Variants in SAMMSON observed in about 807,000 individuals in gnomAD.
SAMMSON encodes survival associated mitochondrial melanoma specific oncogenic non-coding RNA, also known as long intergenic non-protein coding RNA 1212.
At chr3:70,184,613 T>C (rs1701078696) in intron 4 of SAMMSON, among the ~76,000 whole-genome samples, 1 of 152,214 alleles carries the variant, frequency 6.6e-6, no homozygotes, top group South Asian at 2.1e-4. Flanking sequence ...TAAAGATTGA[T>C]AACTGATTAG....
intron 9 of SAMMSON, among the ~76,000 whole-genome samples, chr3:70,369,159 A>T (rs1702944741): frequency 6.6e-6 from 1 of 151,590 alleles, no homozygotes; most frequent in African/African-American, 2.4e-5. Flanking sequence ...TTCTAACTCC[A>T]ATTATTTGAA....
intron 4 of SAMMSON, among the ~76,000 whole-genome samples, chr3:70,166,770 C>T (rs771264318): frequency 3.9e-5 from 6 of 151,992 alleles, no homozygotes; most frequent in Non-Finnish European, 7.4e-5. Flanking sequence ...ATTGAATACT[C>T]ACCCAGGACA....
At chr3:70,102,039 T>C (rs1309107532) in intron 4 of SAMMSON, among the ~76,000 whole-genome samples, 2 of 152,208 alleles carry the variant, frequency 1.3e-5, no homozygotes, top group African/African-American at 4.8e-5. Flanking sequence ...TTCCTTTGTG[T>C]TCTTGACTTA....
intron 3 of SAMMSON, among the ~76,000 whole-genome samples, chr3:70,047,333 C>CTTTTTT (rs879262238): frequency 4.3e-4 from 61 of 143,424 alleles, no homozygotes; most frequent in African/African-American, 1.4e-3. Flanking sequence ...CTCTCTCTCT[C>CTTTTTT]TTTTTTTTTT....
At chr3:70,080,121 C>T (rs2067262703) in intron 4 of SAMMSON, among the ~76,000 whole-genome samples, 1 of 152,176 alleles carries the variant, frequency 6.6e-6, no homozygotes, top group South Asian at 2.1e-4. Context: ...AGAATTAAGT[C>T]CAGGATCCAG....
At chr3:70,197,653 C>T (rs1701195332) in intron 4 of SAMMSON, among the ~76,000 whole-genome samples, 1 of 152,190 alleles carries the variant, frequency 6.6e-6, no homozygotes, top group African/African-American at 2.4e-5. Flanking sequence ...CATGGATTCC[C>T]ATAAATCTGC....
intron 4 of SAMMSON, among the ~76,000 whole-genome samples, chr3:70,154,653 A>T (rs1462283078): frequency 6.6e-6 from 1 of 152,136 alleles, no homozygotes; most frequent in African/African-American, 2.4e-5. Flanking sequence ...GGCCTTGAAC[A>T]TCAGTCTCCT....
At chr3:70,057,438 C>T (rs2067172352) in intron 3 of SAMMSON, among the ~76,000 whole-genome samples, 1 of 152,056 alleles carries the variant, frequency 6.6e-6, no homozygotes, top group Admixed American at 6.6e-5. Flanking sequence ...TTGGCATCTG[C>T]AAGCATAATT....
At chr3:70,065,159 T>C (rs560527675) in intron 3 of SAMMSON, 1 of 152,240 alleles carries the variant, frequency 6.6e-6, no homozygotes, top group South Asian at 2.1e-4. Flanking sequence ...TAAAGTCTTC[T>C]GAAAATTGAA....
chr3:70,119,352 C>G (rs2067423998), intron 4 of SAMMSON, among the ~76,000 whole-genome samples: 1 of 152,198 alleles, frequency 6.6e-6, no homozygotes, highest in African/African-American at 2.4e-5. Context: ...CAGGCGTGAG[C>G]CACTGCCCCC....
At chr3:70,130,616 G>A (rs2067478974) in intron 4 of SAMMSON, among the ~76,000 whole-genome samples, 1 of 151,986 alleles carries the variant, frequency 6.6e-6, no homozygotes, top group Admixed American at 6.6e-5. Context: ...CTTCTGCTTG[G>A]CCCTCACTCC....
chr3:70,416,115 T>C (rs1396247604), intron 2 of SAMMSON, among the ~76,000 whole-genome samples: 10 of 152,172 alleles, frequency 6.6e-5, no homozygotes, highest in Non-Finnish European at 1.5e-4. Context: ...ATTGGGACAA[T>C]CATAAAATTA....
At chr3:70,101,492 A>G (rs1464254162) in intron 4 of SAMMSON, among the ~76,000 whole-genome samples, 1 of 152,122 alleles carries the variant, frequency 6.6e-6, no homozygotes, top group East Asian at 1.9e-4. Flanking sequence ...TTGATGCTGG[A>G]TGAGGCCATC....
chr3:70,006,633 C>A (rs778152452), intron 1 of SAMMSON, among the ~76,000 whole-genome samples: 2 of 152,042 alleles, frequency 1.3e-5, no homozygotes, highest in East Asian at 1.9e-4. Context: ...ACCCTAAGAC[C>A]TTTCCTGTTT....
chr3:70,390,618 T>G (rs1420986662), downstream of SAMMSON, among the ~76,000 whole-genome samples: 1 of 151,924 alleles, frequency 6.6e-6, no homozygotes, highest in Non-Finnish European at 1.5e-5. Flanking sequence ...GAGAACTCAT[T>G]CAGTATCACA....
intron 3 of SAMMSON, among the ~76,000 whole-genome samples, chr3:70,039,486 C>T (rs1430953086): frequency 1.3e-5 from 2 of 151,926 alleles, no homozygotes; most frequent in Admixed American, 6.6e-5. Flanking sequence ...ACTTTATCTG[C>T]ACCATGAGCT....
intron 4 of SAMMSON, among the ~76,000 whole-genome samples, chr3:70,102,463 T>G (rs1488135997): frequency 6.6e-6 from 1 of 152,202 alleles, no homozygotes; most frequent in East Asian, 1.9e-4. Flanking sequence ...ACGTCTGGGA[T>G]CTTTCTGAGA....
At chr3:70,265,223 C>G (rs13087025) in intron 6 of SAMMSON, among the ~76,000 whole-genome samples, 66,948 of 151,914 alleles carry the variant, frequency 0.44, 15,941 homozygotes, top group Non-Finnish European at 0.54. Context: ...TCATGTAAGT[C>G]TCTCTGGATA....
At chr3:70,279,104 C>T (rs963102458) in intron 6 of SAMMSON, among the ~76,000 whole-genome samples, 6 of 150,196 alleles carry the variant, frequency 4.0e-5, no homozygotes, top group African/African-American at 7.4e-5. Flanking sequence ...AAATGACATA[C>T]TAGATAGATT....
Sources: gnomAD v4.1 joint callset for allele counts (sites outside exome capture counted in the v4.1 genomes callset) on GRCh38, gnomAD v4.1.1 for gene constraint, MANE v1.5 for transcripts, NCBI Gene and HGNC (gene_info 2026-07-23, HGNC 2026-07-21) for gene names.